Variants in FHOD3 observed in about 807,000 individuals in gnomAD.
FHOD3 encodes the protein formin homology 2 domain containing 3, also known as FH1/FH2 domain-containing protein 3.
In FHOD3, 90 loss-of-function variants were observed where a neutral mutation model predicts 173.0. That is an observed-to-expected ratio of 0.52 (90% CI 0.44 to 0.62). The LOEUF (loss-of-function observed/expected upper bound fraction) is 0.62. Among genes scored for constraint, FHOD3 ranks in the 20% least tolerant of loss-of-function variants. The pLI is 0.00. For missense variants in FHOD3, 1,945 were observed against 2,034.7 expected (o/e 0.96, Z 0.85); for synonymous variants, 828 against 823.0 (o/e 1.01, Z -0.10).
At chr18:36,713,665 A>T (rs1181276387) in intron 18 of FHOD3, among the ~76,000 whole-genome samples, 3 of 152,222 alleles carry the variant, frequency 2.0e-5, no homozygotes, top group Non-Finnish European at 2.9e-5. Flanking sequence ...TTGTAACAAA[A>T]AGAAAAGACA....
chr18:36,547,099 G>A (rs560368295), intron 5 of FHOD3, among the ~76,000 whole-genome samples: 17 of 152,270 alleles, frequency 1.1e-4, no homozygotes, highest in African/African-American at 2.6e-4. Flanking sequence ...GTGTCCTGCC[G>A]CCTTCAGGGG....
chr18:36,633,440 A>C (rs77505661), intron 10 of FHOD3, among the ~76,000 whole-genome samples: 1,831 of 152,310 alleles, frequency 0.012, 32 homozygotes, highest in African/African-American at 0.042. Flanking sequence ...TATCTGCCTA[A>C]CTACCTATTC....
At chr18:36,629,985 C>G (rs963962710) in intron 10 of FHOD3, among the ~76,000 whole-genome samples, 4 of 151,898 alleles carry the variant, frequency 2.6e-5, no homozygotes, top group Non-Finnish European at 5.9e-5. Context: ...AGGATAGCCC[C>G]CTGCCAAACA....
chr18:36,473,976 C>T (rs1049397360), intron 3 of FHOD3, among the ~76,000 whole-genome samples: 5 of 152,232 alleles, frequency 3.3e-5, no homozygotes, highest in African/African-American at 1.2e-4. Flanking sequence ...TTGCTGATCC[C>T]ACATCCCACC....
At chr18:36,668,146 G>A (rs1040978002) in intron 14 of FHOD3, among the ~76,000 whole-genome samples, 3 of 152,122 alleles carry the variant, frequency 2.0e-5, no homozygotes, top group Admixed American at 2.0e-4. Context: ...TAAGACTGGA[G>A]CTTTCTTCAA....
chr18:36,464,079 T>C (rs1477938092), intron 3 of FHOD3, among the ~76,000 whole-genome samples: 1 of 152,202 alleles, frequency 6.6e-6, no homozygotes, highest in Non-Finnish European at 1.5e-5. Flanking sequence ...TTAATTCTAT[T>C]TAGTCAGAAG....
At chr18:36,307,825 T>G (rs1190214555) in intron 1 of FHOD3, among the ~76,000 whole-genome samples, 1 of 152,238 alleles carries the variant, frequency 6.6e-6, no homozygotes, top group Non-Finnish European at 1.5e-5. Context: ...ATTTGGAGAC[T>G]ACAGAAAAGC....
At chr18:36,526,138 G>T (rs146657524) in intron 5 of FHOD3, among the ~76,000 whole-genome samples, 1 of 152,256 alleles carries the variant, frequency 6.6e-6, no homozygotes, top group East Asian at 1.9e-4. Context: ...GATGACTGCA[G>T]TGGGAGATCC....
At chr18:36,450,487 A>ATTTATTTATTTT (rs1555710146) in intron 3 of FHOD3, among the ~76,000 whole-genome samples, 60 of 149,842 alleles carry the variant, frequency 4.0e-4, no homozygotes, top group African/African-American at 1.4e-3. Context: ...TTATTTATTT[A>ATTTATTTATTTT]ATTTTTAAAG....
intron 3 of FHOD3, among the ~76,000 whole-genome samples, chr18:36,380,469 C>T (rs1326378417): frequency 1.3e-5 from 2 of 150,324 alleles, no homozygotes; most frequent in African/African-American, 4.9e-5. Flanking sequence ...CCCTTCCTCC[C>T]TTCATTCCCC....
intron 3 of FHOD3, among the ~76,000 whole-genome samples, chr18:36,499,231 G>A (rs1469446573): frequency 2.0e-5 from 3 of 152,170 alleles, no homozygotes; most frequent in Non-Finnish European, 4.4e-5. Flanking sequence ...AGCTTCCCAA[G>A]TAGCTGGGAT....
chr18:36,653,313 T>C (rs1163635866), intron 12 of FHOD3, 29 bp from the exon 13 acceptor site: 2 of 1,503,248 alleles, frequency 1.3e-6, no homozygotes, highest in Non-Finnish European at 1.8e-6. Flanking sequence ...CCGTGCCACA[T>C]TGTGAGCGGG....
chr18:36,718,347 G>A lies in FHOD3; in HGVS notation c.3049G>A (p.Glu1017Lys). ...DVLDVDLGHR[E>K]APGPPPPPPP... ...CCTAGATGTGGACCTGGGTCACAGG[G>A]AGGCCCCTGGGCCACCTCCCCCACC... The change falls in exon 19 of 29, where the codon GAG (glutamate) becomes AAG (lysine). Residue 1017 changes from glutamate to lysine, a missense_variant. Coordinates refer to ENST00000590592, the MANE Select transcript of FHOD3 (RefSeq NM_001281740.3). The A allele has an allele frequency of 6.2e-7, 1 of 1,612,760 alleles. No homozygotes were observed.
chr18:36,450,736 C>T (rs140109629), intron 3 of FHOD3, among the ~76,000 whole-genome samples: 35 of 151,988 alleles, frequency 2.3e-4, no homozygotes, highest in African/African-American at 7.5e-4. Context: ...GAGGCTGCAG[C>T]GAACTATGAT....
rs1157031100 is a variant in FHOD3 at position 36,597,273 on chromosome 18, C to T, written c.718+2375C>T. On this transcript the variant is annotated intron_variant, in intron 7 of 28. Transcript: ENST00000590592. Reference sequence around the variant, plus strand: ...TTGTGTATCATATCCAAGACTCCATCCATAGCCCCAGCCAGAGATTCTCGT... The same window carrying T: ...TTGTGTATCATATCCAAGACTCCATTCATAGCCCCAGCCAGAGATTCTCGT... Among the ~76,000 whole-genome samples, 4 of 152,162 alleles carry T rather than the reference C, an allele frequency of 2.6e-5. No individual in the cohort carries two copies. In the East Asian group the frequency reaches 5.8e-4, roughly 22 times the overall value.
chr18:36,591,465 A>G (rs1436671402), intron 6 of FHOD3, among the ~76,000 whole-genome samples: 1 of 152,222 alleles, frequency 6.6e-6, no homozygotes, highest in African/African-American at 2.4e-5. Flanking sequence ...GGATGGATTC[A>G]GAGGACGGGC....
intron 2 of FHOD3, among the ~76,000 whole-genome samples, chr18:36,369,257 G>A (rs79729005): frequency 0.057 from 8,682 of 152,082 alleles, 799 homozygotes; most frequent in African/African-American, 0.19. Flanking sequence ...GAAGCCAAAG[G>A]ACTTAGCAAA....
intron 1 of FHOD3, among the ~76,000 whole-genome samples, chr18:36,300,471 A>G (rs867075730): frequency 6.6e-6 from 1 of 152,100 alleles, no homozygotes; most frequent in Non-Finnish European, 1.5e-5. Context: ...ATAGTTATCA[A>G]CTCTGCTGTG....
intron 3 of FHOD3, among the ~76,000 whole-genome samples, chr18:36,390,441 G>C (rs73949462): frequency 9.2e-5 from 14 of 152,278 alleles, no homozygotes; most frequent in African/African-American, 3.4e-4. Flanking sequence ...CAGATGCCTC[G>C]TTGGTGCCTG....
Sources: gnomAD v4.1 joint callset for allele counts (sites outside exome capture counted in the v4.1 genomes callset) on GRCh38, gnomAD v4.1.1 for gene constraint, MANE v1.5 for transcripts, NCBI Gene and HGNC (gene_info 2026-07-23, HGNC 2026-07-21) for gene names.